Variants in TMEM154 observed in about 807,000 individuals in gnomAD.
TMEM154 encodes transmembrane protein 154.
A neutral mutation model predicts 24.5 loss-of-function variants in TMEM154; 27 were observed. The ratio of observed to expected loss-of-function variants is 1.10; its 90% CI spans 0.81 to 1.52. The LOEUF (loss-of-function observed/expected upper bound fraction) is 1.52, where lower values mean the gene tolerates loss of function less well. Among genes scored for constraint, TMEM154 ranks in the 40% most tolerant of loss-of-function variants. TMEM154 has a pLI of 0.00. For missense variants in TMEM154, 228 were observed against 213.4 expected, an observed-to-expected ratio of 1.07 and a Z score of -0.43; for synonymous variants, 67 against 76.8, an observed-to-expected ratio of 0.87 and a Z score of 0.67.
In TMEM154 at chr4:152,653,899, C is replaced by T. The variant is rs982535390; in HGVS notation, c.65-972G>A. 2.0e-5 allele frequency among the ~76,000 whole-genome samples: 3 copies of T among 151,368 alleles called. No homozygotes were observed. In the South Asian group the frequency reaches 6.3e-4, roughly 32 times the overall value. On this transcript the variant is annotated intron_variant, in intron 1 of 6. Transcript: ENST00000304385. ...ACTAAAAATACAAAAATTAGCTGGG[C>T]GTGGTGGTGCATGCCTATAATCCCA...
At chr4:152,631,258 T>G (rs1168354831) in intron 6 of TMEM154, among the ~76,000 whole-genome samples, 2 of 152,348 alleles carry the variant, frequency 1.3e-5, no homozygotes, top group South Asian at 2.1e-4. Context: ...TCTCCAACAT[T>G]GAATATTATT....
intron 5 of TMEM154, 130 bp downstream of exon 5, chr4:152,642,958 A>G (rs1250763950): frequency 1.4e-6 from 1 of 703,624 alleles, no homozygotes; most frequent in Non-Finnish European, 2.5e-6. Flanking sequence ...TATTATCTGC[A>G]TGTACCAGAT....
At chr4:152,679,341 C>T (rs1050236029) in intron 1 of TMEM154, among the ~76,000 whole-genome samples, 16 of 150,160 alleles carry the variant, frequency 1.1e-4, no homozygotes, top group Non-Finnish European at 2.1e-4. Flanking sequence ...TAACACATAG[C>T]TCTTTGGTAG....
At chr4:152,638,520 AT>A (rs375420825) in intron 6 of TMEM154, among the ~76,000 whole-genome samples, 2 of 151,738 alleles carry the variant, frequency 1.3e-5, no homozygotes, top group South Asian at 4.2e-4. Flanking sequence ...AAGGAAGTGA[AT>A]TTTTTTTTAA....
At chr4:152,636,277 A>G (rs1047449003) in intron 6 of TMEM154, among the ~76,000 whole-genome samples, 5 of 152,166 alleles carry the variant, frequency 3.3e-5, no homozygotes, top group African/African-American at 9.7e-5. Flanking sequence ...CAGGGATGAA[A>G]TTCTCTTCAA....
At chr4:152,662,165 T>A (rs1728625754) in intron 1 of TMEM154, among the ~76,000 whole-genome samples, 1 of 152,126 alleles carries the variant, frequency 6.6e-6, no homozygotes, top group Non-Finnish European at 1.5e-5. Flanking sequence ...GGCAAGCAAG[T>A]TCTACAGTGT....
At chr4:152,645,116 CTGTT>C (rs1579517123) in intron 3 of TMEM154, among the ~76,000 whole-genome samples, 3 of 26,456 alleles carry the variant, frequency 1.1e-4, no homozygotes, top group East Asian at 2.8e-3. Flanking sequence ...GTCAACCCGT[CTGTT>C]TGATTTTTTT....
In TMEM154 at chr4:152,679,918, C is replaced by T; in HGVS notation, c.16G>A (p.Ala6Thr). MQAPR[A>T]ALVFALVIAL... ...ATCACCAGGGCGAAGACTAGGGCTG[C>T]GCGGGGAGCCTGCATGTCCGCTCGC... The change falls in exon 1 of 7, where the codon GCA becomes ACA. Residue 6 changes from alanine to threonine, a missense_variant. Transcript: ENST00000304385. 1 of 1,610,330 alleles carries T rather than the reference C, an allele frequency of 6.2e-7. No homozygotes were observed.
At position 152,652,882 on chromosome 4, in the gene TMEM154, G is replaced by C. The variant is rs757011333; in HGVS notation, c.110C>G (p.Ser37Cys). ...LENSGDTTVE[S>C]ERPNKVTIPS... ...AATAGTCACTTTATTTGGTCTTTCA[G>C]ATTCCACAGTTGTATCTCCTGAGTT... is the stretch of plus-strand genomic sequence containing the variant. Residue 37 changes from serine (S) to cysteine (C), a missense_variant, in exon 2 of 7, where the codon TCT becomes TGT. Coordinates refer to ENST00000304385, the MANE Select transcript of TMEM154 (RefSeq NM_152680.3). 1 of 1,613,628 alleles carries C rather than the reference G, an allele frequency of 6.2e-7. No homozygotes were observed. Among genetic ancestry groups the C allele is most frequent in the Non-Finnish European group, 8.5e-7 (1 of 1,179,830 alleles).
rs773784968 is a variant in TMEM154, at chr4:152,652,539, T to C, written c.363A>G (p.Thr121=). The part of the protein sequence containing the change: ...SSQGSQSALQ[T]YELGSENVKV... ...GGCAGGTTTTAGGATAATACTCACA[T>C]GTCTGTAAAGCACTCTGAGATCCTT... Residue 121 remains threonine (T), a splice_region_variant and synonymous_variant, in exon 3 of 7, where the codon ACA becomes ACG. Transcript: ENST00000304385. 1 of 1,609,226 alleles carries C rather than the reference T, an allele frequency of 6.2e-7. No homozygotes were observed. The highest frequency in any genetic ancestry group is 2.2e-5 in the East Asian group (1 of 44,738).
At chr4:152,668,526 C>G (rs1383238384) in intron 1 of TMEM154, 1 of 152,154 alleles carries the variant, frequency 6.6e-6, no homozygotes, top group African/African-American at 2.4e-5. Flanking sequence ...CCACCCCATT[C>G]CATAGGTGAA....
intron 6 of TMEM154, among the ~76,000 whole-genome samples, chr4:152,638,247 C>T (rs998637874): frequency 6.6e-6 from 1 of 152,208 alleles, no homozygotes; most frequent in Non-Finnish European, 1.5e-5. Flanking sequence ...GCCTAGACAA[C>T]AGAATGAGAG....
intron 1 of TMEM154, among the ~76,000 whole-genome samples, chr4:152,675,010 G>A (rs1426963628): frequency 2.6e-5 from 4 of 152,050 alleles, no homozygotes; most frequent in Non-Finnish European, 5.9e-5. Flanking sequence ...ACAAAAATCA[G>A]CCAGGTGTGG....
chr4:152,678,314 C>T (rs894606370), intron 1 of TMEM154, among the ~76,000 whole-genome samples: 17 of 151,712 alleles, frequency 1.1e-4, no homozygotes, highest in African/African-American at 4.1e-4. Context: ...TTTTGCATCT[C>T]CTGAATTGCA....
chr4:152,667,471 G>T (rs548050760), intron 1 of TMEM154, among the ~76,000 whole-genome samples: 1 of 152,064 alleles, frequency 6.6e-6, no homozygotes, highest in African/African-American at 2.4e-5. Flanking sequence ...TTGCCCCCAC[G>T]TAAAGGTCAG....
At chr4:152,632,778 C>T (rs1752072498) in intron 6 of TMEM154, among the ~76,000 whole-genome samples, 1 of 152,136 alleles carries the variant, frequency 6.6e-6, no homozygotes, top group South Asian at 2.1e-4. Context: ...AGCCCTGGGT[C>T]AGTTGTCCTG....
intron 6 of TMEM154, among the ~76,000 whole-genome samples, chr4:152,640,713 T>G (rs1180388429): frequency 6.6e-6 from 1 of 152,212 alleles, no homozygotes; most frequent in Admixed American, 6.5e-5. Context: ...ACTCATTTAT[T>G]TCTAAAGATA....
chr4:152,642,649 T>G lies in TMEM154; in HGVS notation c.478+439A>C, dbSNP rs140033422. ...TTTTTTAATTTTAATTTTAATTAAT[T>G]TAAATTTAAATAGCCACATTTGGTG... On this transcript the variant is annotated intron_variant, in intron 5 of 6. Coordinates refer to ENST00000304385, the MANE Select transcript of TMEM154 (RefSeq NM_152680.3). 6.2e-3 allele frequency among the ~76,000 whole-genome samples: 949 copies of G among 152,324 alleles called. 16 individuals carry two copies. Among genetic ancestry groups the G allele is most frequent in the African/African-American group, 0.022 (913 of 41,564 alleles).
rs1752287885 is a variant in TMEM154 at position 152,643,116 on chromosome 4, A to G, written c.450T>C (p.Asp150=). Residue 150 remains aspartate (D), a synonymous_variant, in exon 5 of 7, where the codon GAT becomes GAC. Transcript: ENST00000304385. ...TTCTATTCATGCTGTTCATCCATTT[A>G]TCAAGCTCTTCCATTTCAATTTCCA... is the stretch of plus-strand genomic sequence containing the variant. ...SVMEIEMEEL[D]KWMNSMNRNA... The G allele has an allele frequency of 5.6e-6, 9 of 1,613,334 alleles. No homozygotes were observed. The highest frequency in any genetic ancestry group is 2.2e-5 in the East Asian group (1 of 44,846).
Sources: gnomAD v4.1 joint callset for allele counts (sites outside exome capture counted in the v4.1 genomes callset) on GRCh38, gnomAD v4.1.1 for gene constraint, MANE v1.5 for transcripts, NCBI Gene and HGNC (gene_info 2026-07-23, HGNC 2026-07-21) for gene names.